The following L3MBTL4 variants were observed in gnomAD, a reference collection of about 807,000 sequenced individuals.
L3MBTL4 encodes L3MBTL histone methyl-lysine binding protein 4.
L3MBTL4 carries 70 observed loss-of-function variants against 84.5 expected under a neutral mutation model. That is an observed-to-expected ratio of 0.83 (90% CI 0.68 to 1.01). The LOEUF is 1.01. L3MBTL4 is among the 50% of genes least tolerant of loss of function. The probability of loss-of-function intolerance (pLI) is 0.00; values close to 1 mark genes in which losing one functional copy is unlikely to be tolerated. For synonymous variants in L3MBTL4, 274 were observed against 259.8 expected (o/e 1.05, Z -0.52); for missense variants, 715 against 754.8 (o/e 0.95, Z 0.62).
chr18:6,157,846 TAAA>T (rs770485285), intron 13 of L3MBTL4, among the ~76,000 whole-genome samples: 8 of 152,188 alleles, frequency 5.3e-5, no homozygotes, highest in Non-Finnish European at 1.2e-4. Context: ...AAACAGAAGC[TAAA>T]GAAAGAACAA....
At chr18:6,072,206 GA>G (rs776353768) in intron 16 of L3MBTL4, among the ~76,000 whole-genome samples, 6 of 152,094 alleles carry the variant, frequency 3.9e-5, no homozygotes, top group Non-Finnish European at 7.4e-5. Flanking sequence ...AACCATAGTA[GA>G]GGACTTTAAC....
chr18:6,232,588 T>C (rs571184360), intron 10 of L3MBTL4, among the ~76,000 whole-genome samples: 1 of 152,206 alleles, frequency 6.6e-6, no homozygotes, highest in African/African-American at 2.4e-5. Flanking sequence ...AAAATAAATA[T>C]GATTTATTGC....
At chr18:6,209,675 C>A (rs1365005428) in intron 12 of L3MBTL4, among the ~76,000 whole-genome samples, 1 of 152,094 alleles carries the variant, frequency 6.6e-6, no homozygotes, top group Non-Finnish European at 1.5e-5. Context: ...AAACATACGT[C>A]CACACAAAAA....
intron 1 of L3MBTL4, among the ~76,000 whole-genome samples, chr18:6,340,409 A>G (rs2052550607): frequency 6.6e-6 from 1 of 152,226 alleles, no homozygotes; most frequent in African/African-American, 2.4e-5. Context: ...TGCCAAGAGA[A>G]GCCTCCTTGG....
At chr18:6,404,019 T>C (rs2055617145) in intron 1 of L3MBTL4, among the ~76,000 whole-genome samples, 1 of 151,524 alleles carries the variant, frequency 6.6e-6, no homozygotes, top group South Asian at 2.1e-4. Flanking sequence ...CATCAAATAT[T>C]CTCACTTCTA....
At chr18:6,016,671 T>C (rs907762574) in intron 16 of L3MBTL4, among the ~76,000 whole-genome samples, 1 of 152,244 alleles carries the variant, frequency 6.6e-6, no homozygotes, top group Non-Finnish European at 1.5e-5. Context: ...TATACCACTC[T>C]GCATGCTTGG....
At chr18:6,068,832 A>G (rs2057485068) in intron 16 of L3MBTL4, among the ~76,000 whole-genome samples, 1 of 152,072 alleles carries the variant, frequency 6.6e-6, no homozygotes, top group African/African-American at 2.4e-5. Context: ...GCTATAAGAA[A>G]CGTCCCACTA....
At chr18:5,989,721 G>GCT (rs2053606310) in intron 16 of L3MBTL4, among the ~76,000 whole-genome samples, 1 of 152,194 alleles carries the variant, frequency 6.6e-6, no homozygotes, top group Non-Finnish European at 1.5e-5. Context: ...GTTATTATGT[G>GCT]CTCTCAGGTG....
chr18:6,192,955 C>A (rs971050822), intron 12 of L3MBTL4, among the ~76,000 whole-genome samples: 1 of 151,882 alleles, frequency 6.6e-6, no homozygotes, highest in South Asian at 2.1e-4. Context: ...AAGTGAGGGG[C>A]AGTGAAGATG....
At chr18:6,249,395 G>A (rs966177528) in intron 5 of L3MBTL4, among the ~76,000 whole-genome samples, 3 of 152,168 alleles carry the variant, frequency 2.0e-5, no homozygotes, top group South Asian at 2.1e-4. Flanking sequence ...CTTATCACAC[G>A]TGATTGATAA....
At chr18:6,180,889 G>A (rs1055963578) in intron 12 of L3MBTL4, among the ~76,000 whole-genome samples, 5 of 152,176 alleles carry the variant, frequency 3.3e-5, no homozygotes, top group East Asian at 3.8e-4. Flanking sequence ...CCAAGTGTCC[G>A]TCAACTGATG....
intron 14 of L3MBTL4, among the ~76,000 whole-genome samples, chr18:6,113,225 C>T (rs9948436): frequency 0.28 from 42,888 of 151,786 alleles, 6,819 homozygotes; most frequent in East Asian, 0.58. Flanking sequence ...TTGGGAAAAA[C>T]AAAGATTAGT....
intron 1 of L3MBTL4, among the ~76,000 whole-genome samples, chr18:6,374,833 A>C (rs935961292): frequency 7.9e-5 from 12 of 152,200 alleles, no homozygotes; most frequent in Non-Finnish European, 1.6e-4. Context: ...AGTTATTGCC[A>C]GTACTAAAAC....
intron 12 of L3MBTL4, among the ~76,000 whole-genome samples, chr18:6,212,697 CAATAAAAAGAAGCTT>C (rs1447579596): frequency 1.3e-5 from 2 of 151,932 alleles, no homozygotes; most frequent in Non-Finnish European, 2.9e-5. Flanking sequence ...AGAATAATGC[CAATAAAAAGAAGCTT>C]AATAAAAAGA....
chr18:6,096,136 C>T (rs1303411956), intron 14 of L3MBTL4, among the ~76,000 whole-genome samples: 1 of 151,978 alleles, frequency 6.6e-6, no homozygotes, highest in African/African-American at 2.4e-5. Context: ...CTAATGCTGC[C>T]TCTTCCTAAG....
chr18:5,985,575 G>GT, intron 16 of L3MBTL4, among the ~76,000 whole-genome samples: 1 of 152,326 alleles, frequency 6.6e-6, no homozygotes, highest in East Asian at 1.9e-4. Flanking sequence ...GAGGCTGCCT[G>GT]GCTCCCAGGT....
chr18:6,199,242 G>A (rs957893042), intron 12 of L3MBTL4, among the ~76,000 whole-genome samples: 2 of 152,208 alleles, frequency 1.3e-5, no homozygotes, highest in Non-Finnish European at 2.9e-5. Flanking sequence ...TAAGGTGGAT[G>A]TGCACTGGCC....
rs1007054767 is a variant in L3MBTL4 at position 6,239,204 on chromosome 18, A to G, written c.707+514T>C. On this transcript the variant is annotated intron_variant, in intron 9 of 18. Coordinates refer to ENST00000317931, the MANE Select transcript of L3MBTL4 (RefSeq NM_001330559.2). ...AAAATACAAAAAATTAGCCGGGCGTAGTGGCGGGCGCCTGTAGTCCCAGCT... is the reference window on the plus strand; with the variant it reads ...AAAATACAAAAAATTAGCCGGGCGTGGTGGCGGGCGCCTGTAGTCCCAGCT... Among the ~76,000 whole-genome samples the G allele has an allele frequency of 4.0e-5, 6 of 150,952 alleles. No individual in the cohort carries two copies. In the East Asian group the frequency reaches 5.8e-4, roughly 15 times the overall value.
chr18:5,990,182 G>T (rs1483647644), intron 16 of L3MBTL4, among the ~76,000 whole-genome samples: 1 of 152,214 alleles, frequency 6.6e-6, no homozygotes. Flanking sequence ...TTATAAAAAG[G>T]TGATCTTGTT....
Sources: allele counts gnomAD v4.1 joint callset (sites outside exome capture counted in the v4.1 genomes callset), GRCh38; gene constraint gnomAD v4.1.1; transcripts MANE v1.5; gene names NCBI Gene and HGNC (gene_info 2026-07-23, HGNC 2026-07-21).